The following WDR70 variants were observed in gnomAD, a reference collection of about 807,000 sequenced individuals.
WDR70 encodes WD repeat-containing protein 70.
WDR70 carries 53 observed loss-of-function variants against 88.6 expected under a neutral mutation model. The observed-to-expected ratio is 0.60, with a 90% CI of 0.48 to 0.75. WDR70 has a LOEUF of 0.75. Among genes scored for constraint, WDR70 ranks in the 30% least tolerant of loss-of-function variants. WDR70 has a pLI of 0.00. For synonymous variants in WDR70, 280 were observed against 270.0 expected, an observed-to-expected ratio of 1.04 and a Z score of -0.36; for missense variants, 610 against 823.2, an observed-to-expected ratio of 0.74 and a Z score of 3.17.
At chr5:37,513,852 C>T (rs1740797309) in intron 8 of WDR70, among the ~76,000 whole-genome samples, 2 of 152,074 alleles carry the variant, frequency 1.3e-5, no homozygotes, top group African/African-American at 2.4e-5. Flanking sequence ...AGCCCACTGA[C>T]TCAAATGTTA....
intron 17 of WDR70, among the ~76,000 whole-genome samples, chr5:37,745,692 A>G (rs1748617673): frequency 6.6e-6 from 1 of 152,232 alleles, no homozygotes; most frequent in Non-Finnish European, 1.5e-5. Context: ...AGGGCATTGC[A>G]TAATGGTAAA....
At chr5:37,558,469 C>T (rs549527532) in intron 9 of WDR70, among the ~76,000 whole-genome samples, 1 of 151,836 alleles carries the variant, frequency 6.6e-6, no homozygotes, top group Admixed American at 6.6e-5. Flanking sequence ...TAGGTGCACA[C>T]CACCTTCCTG....
chr5:37,478,963 G>C (rs1194449869), intron 7 of WDR70, among the ~76,000 whole-genome samples: 3 of 152,170 alleles, frequency 2.0e-5, no homozygotes, highest in Non-Finnish European at 2.9e-5. Context: ...TAGTGCTAAA[G>C]AACTAAAGGA....
chr5:37,609,432 C>T (rs1255619100), intron 10 of WDR70, among the ~76,000 whole-genome samples: 3 of 152,152 alleles, frequency 2.0e-5, no homozygotes, highest in Admixed American at 2.0e-4. Context: ...CAGGAATCTA[C>T]AATATACTAG....
chr5:37,687,459 T>C (rs1360666128), intron 10 of WDR70, among the ~76,000 whole-genome samples: 3 of 152,238 alleles, frequency 2.0e-5, no homozygotes, highest in African/African-American at 2.4e-5. Flanking sequence ...TGCAATGGAA[T>C]ATGTTGGAGG....
chr5:37,491,493 A>C (rs1740067444), intron 8 of WDR70, among the ~76,000 whole-genome samples: 1 of 152,154 alleles, frequency 6.6e-6, no homozygotes. Context: ...TTTATTTTTA[A>C]ATTACATGAC....
chr5:37,490,159 A>G (rs1408413058), intron 8 of WDR70, among the ~76,000 whole-genome samples: 1 of 152,090 alleles, frequency 6.6e-6, no homozygotes, highest in Non-Finnish European at 1.5e-5. Flanking sequence ...GGGCAGTGTG[A>G]TAGAGAGCAC....
intron 7 of WDR70, among the ~76,000 whole-genome samples, chr5:37,478,892 A>C (rs941232330): frequency 5.9e-5 from 9 of 152,218 alleles, no homozygotes; most frequent in African/African-American, 2.2e-4. Context: ...TGTATTCACT[A>C]CAGCCACAAT....
intron 9 of WDR70, among the ~76,000 whole-genome samples, chr5:37,563,322 CTG>C (rs1742592421): frequency 3.1e-5 from 2 of 63,534 alleles, no homozygotes; most frequent in Non-Finnish European, 7.7e-5. Flanking sequence ...CACCTCCCTC[CTG>C]GACGGGGCGG....
intron 5 of WDR70, among the ~76,000 whole-genome samples, chr5:37,399,384 G>C (rs1749129372): frequency 6.6e-6 from 1 of 152,144 alleles, no homozygotes; most frequent in African/African-American, 2.4e-5. Flanking sequence ...TTGCACCACT[G>C]CACTCTAGCC....
rs554758809 is a variant in WDR70 at position 37,482,830 on chromosome 5, G to A, written c.840+2843G>A. ...ATTATGTGGGATGGGAGATACTGAT[G>A]CAGGCATCTTTGGAAACATTCTACT... On this transcript the variant is annotated intron_variant, in intron 8 of 17. Coordinates refer to ENST00000265107, the MANE Select transcript of WDR70 (RefSeq NM_018034.4). Among the ~76,000 whole-genome samples the A allele has an allele frequency of 2.6e-5, 4 of 152,296 alleles. No individual in the cohort carries two copies. The East Asian group carries it at 7.7e-4, about 29-fold the overall frequency.
intron 7 of WDR70, among the ~76,000 whole-genome samples, chr5:37,444,530 A>G (rs1371513439): frequency 6.6e-6 from 1 of 151,858 alleles, no homozygotes; most frequent in East Asian, 2.0e-4. Context: ...TTTGGTAGAG[A>G]TGGGGTTTCA....
At chr5:37,479,793 G>T in intron 7 of WDR70, 41 bp from the exon 8 acceptor site, 1 of 1,559,782 alleles carries the variant, frequency 6.4e-7, no homozygotes, top group Non-Finnish European at 8.7e-7. Flanking sequence ...TATAAACATT[G>T]TGCTTAGTAT....
In WDR70 at chr5:37,416,111, C is replaced by T. The variant is rs546063241; in HGVS notation, c.492+19541C>T. On this transcript the variant is annotated intron_variant, in intron 5 of 17. Coordinates refer to ENST00000265107, the MANE Select transcript of WDR70 (RefSeq NM_018034.4). Reference sequence around the variant, plus strand: ...GCTCCTCACTTCCCAGACGGGGTGGCGGCCGGGCAGAGGCTGCAATCTTGG... The same window carrying T: ...GCTCCTCACTTCCCAGACGGGGTGGTGGCCGGGCAGAGGCTGCAATCTTGG... 7.3e-3 allele frequency among the ~76,000 whole-genome samples: 1,111 copies of T among 152,186 alleles called. 13 individuals carry two copies. Among genetic ancestry groups the T allele is most frequent in the African/African-American group, 0.025 (1,041 of 41,512 alleles).
Position 37,437,862 on chromosome 5 carries a change from G to T in WDR70, c.493-60G>T. Reference sequence around the variant, plus strand: ...AATTGTATTTCCTGTGAAATGTGTTGTGTAGTTCCCCACAAATATGTTATT... The same window carrying T: ...AATTGTATTTCCTGTGAAATGTGTTTTGTAGTTCCCCACAAATATGTTATT... On this transcript the variant is annotated intron_variant, in intron 5 of 17. Transcript: ENST00000265107. 8 of 1,495,784 alleles carry T rather than the reference G, an allele frequency of 5.3e-6. No homozygotes were observed. In the South Asian group the frequency reaches 9.8e-5, roughly 18 times the overall value. 92.7% of individuals were successfully genotyped at this position (1,495,784 alleles called of 1,614,324 possible).
intron 9 of WDR70, among the ~76,000 whole-genome samples, chr5:37,592,128 G>C (rs1212944994): frequency 6.6e-6 from 1 of 152,070 alleles, no homozygotes; most frequent in East Asian, 1.9e-4. Context: ...GATTCAAATT[G>C]TGGAATATTT....
In WDR70 at chr5:37,711,987, CTTTTTT is replaced by C. The variant is rs70978842; in HGVS notation, c.1416+8915_1416+8920del. ...TGGAATTTCAGTGCATATATTTTTT[CTTTTTT>C]TTTTTTTTTTTTTTCTTGAGACGGA... On this transcript the variant is annotated intron_variant, in intron 13 of 17. Coordinates refer to ENST00000265107, the MANE Select transcript of WDR70 (RefSeq NM_018034.4). Among the ~76,000 whole-genome samples, 9 of 104,020 alleles carry C rather than the reference CTTTTTT, an allele frequency of 8.7e-5. No individual in the cohort carries two copies. The East Asian group carries it at 2.4e-3, about 28-fold the overall frequency. 68.2% of individuals were successfully genotyped at this position (104,020 alleles called of 152,430 possible).
chr5:37,473,081 G>T (rs1392534384), intron 7 of WDR70, among the ~76,000 whole-genome samples: 1 of 151,818 alleles, frequency 6.6e-6, no homozygotes, highest in Admixed American at 6.6e-5. Flanking sequence ...ATTTTAGTGG[G>T]TGGGTATAAA....
At chr5:37,506,730 T>C (rs985624310) in intron 8 of WDR70, 18 of 912,284 alleles carry the variant, frequency 2.0e-5, no homozygotes, top group Non-Finnish European at 2.8e-5. Context: ...TTTCTCATTA[T>C]ACACACTGGT....
Sources: gnomAD v4.1 joint callset for allele counts (sites outside exome capture counted in the v4.1 genomes callset) on GRCh38, gnomAD v4.1.1 for gene constraint, MANE v1.5 for transcripts, NCBI Gene and HGNC (gene_info 2026-07-23, HGNC 2026-07-21) for gene names.